Variants in SOS1 observed in about 807,000 individuals in gnomAD.
SOS1 encodes the protein SOS Ras/Rac guanine nucleotide exchange factor 1, also known as son of sevenless homolog 1.
SOS1 carries 25 observed loss-of-function variants against 157.6 expected under a neutral mutation model. The observed-to-expected ratio is 0.16, with a 90% CI of 0.12 to 0.22. The LOEUF (loss-of-function observed/expected upper bound fraction) is 0.22, where lower values mean the gene tolerates loss of function less well. Ranked by LOEUF, SOS1 falls within the 10% of genes least tolerant of loss-of-function variation. SOS1 has a pLI of 1.00. For synonymous variants in SOS1, 528 were observed against 534.0 expected, an observed-to-expected ratio of 0.99 and a Z score of 0.16; for missense variants, 1,237 against 1,599.1, an observed-to-expected ratio of 0.77 and a Z score of 3.86.
chr2:39,077,610 AT>A (rs1375951589), intron 1 of SOS1, among the ~76,000 whole-genome samples: 1 of 152,162 alleles, frequency 6.6e-6, no homozygotes, highest in African/African-American at 2.4e-5. Context: ...CGCTACAGTG[AT>A]TAAGATACTA....
intron 8 of SOS1, among the ~76,000 whole-genome samples, chr2:39,028,729 A>G (rs1290179836): frequency 6.6e-6 from 1 of 152,236 alleles, no homozygotes; most frequent in Non-Finnish European, 1.5e-5. Flanking sequence ...GACAAAGTAT[A>G]CACCCAAGAA....
intron 1 of SOS1, among the ~76,000 whole-genome samples, chr2:39,069,190 CAAAAAAAAAAAAAAAAAAAAAAA>C (rs869178369): frequency 1.3e-4 from 6 of 46,734 alleles, no homozygotes; most frequent in African/African-American, 3.4e-4. Flanking sequence ...TACCAAAAAG[CAAAAAAAAAAAAAAAAAAAAAAA>C]AAAAAAAAAA....
At chr2:39,111,201 C>G (rs1026655994) in intron 1 of SOS1, among the ~76,000 whole-genome samples, 1 of 151,976 alleles carries the variant, frequency 6.6e-6, no homozygotes, top group African/African-American at 2.4e-5. Context: ...CCACTGCACT[C>G]CAGCCTGGGA....
At chr2:39,028,154 G>A (rs781013999) in intron 8 of SOS1, among the ~76,000 whole-genome samples, 2 of 152,160 alleles carry the variant, frequency 1.3e-5, no homozygotes, top group African/African-American at 2.4e-5. Flanking sequence ...GCTCTATTGA[G>A]ATGATAAAAT....
At chr2:39,037,116 C>T (rs763316423) in intron 6 of SOS1, among the ~76,000 whole-genome samples, 7 of 152,208 alleles carry the variant, frequency 4.6e-5, no homozygotes, top group Non-Finnish European at 8.8e-5. Flanking sequence ...TAGTTGACTT[C>T]CCAATTTTTA....
intron 11 of SOS1, 51 bp downstream of exon 11, chr2:39,014,714 C>G: frequency 1.0e-6 from 1 of 999,014 alleles, no homozygotes; most frequent in Non-Finnish European, 1.6e-6. Flanking sequence ...TTAGCTCAAT[C>G]TCTTTTTTAA....
chr2:39,111,247 A>G (rs1673425032), intron 1 of SOS1, among the ~76,000 whole-genome samples: 1 of 152,176 alleles, frequency 6.6e-6, no homozygotes, highest in African/African-American at 2.4e-5. Context: ...AAAAATAATA[A>G]TAATAAGATG....
chr2:39,102,039 C>T (rs1473633423), intron 1 of SOS1, among the ~76,000 whole-genome samples: 2 of 150,934 alleles, frequency 1.3e-5, no homozygotes, highest in Non-Finnish European at 2.9e-5. Context: ...AACCCCATCT[C>T]TACTAAAAAT....
chr2:39,080,329 G>A (rs898919568), intron 1 of SOS1, among the ~76,000 whole-genome samples: 5 of 152,024 alleles, frequency 3.3e-5, no homozygotes, highest in Admixed American at 1.3e-4. Context: ...GAGTTTTGGC[G>A]GTAATGCGAA....
chr2:38,981,779 T>C lies in SOS1; in HGVS notation c.*4045A>G, dbSNP rs1178857387. The stretch of plus-strand genomic sequence containing the variant: ...CAGAGCAATTTTTTGACAATTATTT[T>C]AGCAAATAACCGTGCTACTAAACAA... On this transcript the variant is annotated 3_prime_UTR_variant, in exon 23 of 23. Transcript: ENST00000402219. 1 of 152,158 alleles carries C rather than the reference T, an allele frequency of 6.6e-6. No homozygotes were observed. The highest frequency in any genetic ancestry group is 6.6e-5 in the Admixed American group (1 of 15,260). 9.4% of individuals were successfully genotyped at this position (152,158 alleles called of 1,614,324 possible).
chr2:39,050,835 TG>T (rs999874671), intron 6 of SOS1, among the ~76,000 whole-genome samples: 2 of 152,208 alleles, frequency 1.3e-5, no homozygotes, highest in African/African-American at 4.8e-5. Context: ...GTGCAAGTTC[TG>T]TGGTCTCTTA....
intron 6 of SOS1, among the ~76,000 whole-genome samples, chr2:39,041,933 T>C (rs1001772524): frequency 1.3e-5 from 2 of 152,238 alleles, no homozygotes; most frequent in Non-Finnish European, 1.5e-5. Flanking sequence ...TGAATTTTTT[T>C]CCATTTAACC....
chr2:39,065,987 A>G (rs529598811), intron 2 of SOS1, among the ~76,000 whole-genome samples: 2 of 152,240 alleles, frequency 1.3e-5, no homozygotes, highest in South Asian at 4.2e-4. Context: ...TAGCAAACCC[A>G]TCAGCTATTA....
intron 8 of SOS1, among the ~76,000 whole-genome samples, chr2:39,032,354 T>C (rs917293075): frequency 1.3e-5 from 2 of 152,216 alleles, no homozygotes; most frequent in African/African-American, 2.4e-5. Context: ...ATACTATTAA[T>C]AGCTAAACTT....
intron 5 of SOS1, 141 bp downstream of exon 5, chr2:39,054,473 A>G: frequency 1.6e-6 from 1 of 622,136 alleles, no homozygotes; most frequent in South Asian, 2.0e-5. Flanking sequence ...ACTGTTGTAA[A>G]ACTTTGTGAT....
At chr2:39,094,202 T>C (rs1271900843) in intron 1 of SOS1, among the ~76,000 whole-genome samples, 1 of 152,120 alleles carries the variant, frequency 6.6e-6, no homozygotes, top group Non-Finnish European at 1.5e-5. Context: ...AAAACAGTTA[T>C]CTTAATATTA....
chr2:39,062,811 A>G (rs1313159718), intron 2 of SOS1, among the ~76,000 whole-genome samples: 1 of 152,014 alleles, frequency 6.6e-6, no homozygotes, highest in Non-Finnish European at 1.5e-5. Flanking sequence ...ACAGGAAAAA[A>G]ATATTAGCTT....
intron 1 of SOS1, among the ~76,000 whole-genome samples, chr2:39,105,750 A>G (rs1409970885): frequency 6.6e-6 from 1 of 151,958 alleles, no homozygotes; most frequent in African/African-American, 2.4e-5. Flanking sequence ...TACAAAAAAA[A>G]ATAGCTGGGT....
chr2:39,062,961 C>G (rs1671461328), intron 2 of SOS1, among the ~76,000 whole-genome samples: 1 of 152,062 alleles, frequency 6.6e-6, no homozygotes, highest in African/African-American at 2.4e-5. Flanking sequence ...AATATATACC[C>G]TTCTTCTGCA....
Sources: allele counts gnomAD v4.1 joint callset (sites outside exome capture counted in the v4.1 genomes callset), GRCh38; gene constraint gnomAD v4.1.1; transcripts MANE v1.5; gene names NCBI Gene and HGNC (gene_info 2026-07-23, HGNC 2026-07-21).